The following PHIP variants were observed in gnomAD, a reference collection of about 807,000 sequenced individuals.
PHIP encodes the protein PH-interacting protein.
PHIP carries 54 observed loss-of-function variants against 236.8 expected under a neutral mutation model. The observed-to-expected ratio is 0.23, with a 90% CI of 0.18 to 0.29. The LOEUF is 0.29. Ranked by LOEUF, PHIP falls within the 10% of genes least tolerant of loss-of-function variation. The probability of loss-of-function intolerance (pLI) is 1.00; values close to 1 mark genes in which losing one functional copy is unlikely to be tolerated. For synonymous variants in PHIP, 756 were observed against 718.9 expected (o/e 1.05, Z -0.83); for missense variants, 1,370 against 2,190.8 (o/e 0.63, Z 7.48).
intron 12 of PHIP, among the ~76,000 whole-genome samples, chr6:79,016,914 G>T (rs1411191901): frequency 6.6e-6 from 1 of 151,856 alleles, no homozygotes; most frequent in Non-Finnish European, 1.5e-5. Flanking sequence ...AAAAAACAAT[G>T]ATTTTCTTCT....
At chr6:79,014,515 G>A (rs941772319) in intron 15 of PHIP, among the ~76,000 whole-genome samples, 2 of 151,712 alleles carry the variant, frequency 1.3e-5, no homozygotes, top group Admixed American at 1.3e-4. Context: ...TAGAAACACT[G>A]CTCGGTAAGT....
intron 15 of PHIP, 139 bp from the exon 16 acceptor site, chr6:79,003,997 A>G: frequency 4.0e-6 from 2 of 499,966 alleles, no homozygotes; most frequent in South Asian, 9.7e-5. Context: ...GTACAGTAAT[A>G]AAATTTATGA....
chr6:78,946,297 C>T, intron 37 of PHIP, 37 bp from the exon 38 acceptor site: 1 of 1,565,240 alleles, frequency 6.4e-7, no homozygotes, highest in Non-Finnish European at 8.7e-7. Flanking sequence ...ACTCTTATAG[C>T]TCTATGTGAA....
chr6:79,006,928 A>G (rs887638428), intron 15 of PHIP, among the ~76,000 whole-genome samples: 2 of 152,068 alleles, frequency 1.3e-5, no homozygotes, highest in Admixed American at 6.5e-5. Context: ...TTCAAAAAGA[A>G]TAAGAGGAGT....
At chr6:79,061,363 G>A (rs1773366844) in intron 4 of PHIP, among the ~76,000 whole-genome samples, 1 of 151,968 alleles carries the variant, frequency 6.6e-6, no homozygotes. Context: ...GGGAACCCCT[G>A]GAGGTCCCTC....
chr6:78,945,228 T>C, intron 39 of PHIP, 72 bp downstream of exon 39: 1 of 1,149,130 alleles, frequency 8.7e-7, no homozygotes, highest in Non-Finnish European at 1.3e-6. Flanking sequence ...TGGATATAAA[T>C]GCTGATTCCA....
At chr6:79,028,376 A>G (rs1483896423) in intron 7 of PHIP, among the ~76,000 whole-genome samples, 2 of 152,194 alleles carry the variant, frequency 1.3e-5, no homozygotes, top group African/African-American at 4.8e-5. Context: ...TAGTATGGTC[A>G]GGAGAGAATA....
At chr6:79,016,499 T>G in intron 13 of PHIP, 45 bp downstream of exon 13, 1 of 1,250,192 alleles carries the variant, frequency 8.0e-7, no homozygotes, top group Non-Finnish European at 1.2e-6. Context: ...ATAACATACT[T>G]TAAAAAATCA....
chr6:78,994,352 C>T (rs1173750295), intron 19 of PHIP, among the ~76,000 whole-genome samples: 1 of 152,080 alleles, frequency 6.6e-6, no homozygotes, highest in African/African-American at 2.4e-5. Context: ...CTGAAGTGGG[C>T]AGATCACAAG....
intron 35 of PHIP, among the ~76,000 whole-genome samples, chr6:78,948,287 G>A (rs572294681): frequency 5.3e-5 from 8 of 152,112 alleles, no homozygotes; most frequent in African/African-American, 1.9e-4. Flanking sequence ...CAGTAATAAA[G>A]AATTACGAAT....
intron 24 of PHIP, among the ~76,000 whole-genome samples, chr6:78,977,587 G>GACCTTCAAGC (rs70977756): frequency 0.45 from 68,569 of 151,486 alleles, 16,074 homozygotes; most frequent in East Asian, 0.69. Flanking sequence ...GAATAATGAA[G>GACCTTCAAGC]ACCTTCAAGC....
chr6:78,956,881 C>A lies in PHIP; in HGVS notation c.3783-1199G>T, dbSNP rs1167101918. Reference sequence around the variant, plus strand: ...GTTTTCCTTATATTATACTTTCTTACAGATTTATCTATCCTATGAAACTGT... The same window carrying A: ...GTTTTCCTTATATTATACTTTCTTAAAGATTTATCTATCCTATGAAACTGT... On this transcript the variant is annotated intron_variant, in intron 32 of 39. Coordinates refer to ENST00000275034, the MANE Select transcript of PHIP (RefSeq NM_017934.7). 3.9e-5 allele frequency: 6 copies of A among 152,164 alleles called. No individual in the cohort carries two copies. The East Asian group carries it at 9.6e-4, about 24-fold the overall frequency. The allele number at this position is 152,164 out of a possible 1,614,324, so 9.4% of individuals were successfully genotyped here. A position where few individuals can be genotyped will look rare whatever the true frequency, so the allele number is the denominator to read the frequency against.
At chr6:79,000,277 T>C (rs61610901) in intron 17 of PHIP, among the ~76,000 whole-genome samples, 53 of 152,182 alleles carry the variant, frequency 3.5e-4, no homozygotes, top group African/African-American at 1.3e-3. Flanking sequence ...GCCAGTATTA[T>C]TGCTATGGAT....
intron 28 of PHIP, 82 bp downstream of exon 28, chr6:78,965,863 A>G: frequency 8.4e-7 from 1 of 1,186,992 alleles, no homozygotes; most frequent in South Asian, 1.3e-5. Context: ...TGTTTAAAAG[A>G]AGTCTCTTTA....
At chr6:79,024,431 T>G (rs1169268520) in intron 9 of PHIP, among the ~76,000 whole-genome samples, 1 of 152,094 alleles carries the variant, frequency 6.6e-6, no homozygotes, top group Non-Finnish European at 1.5e-5. Context: ...AATAATCAAT[T>G]GAATACACTA....
intron 4 of PHIP, among the ~76,000 whole-genome samples, chr6:79,064,560 C>A (rs1773532191): frequency 6.6e-6 from 1 of 152,104 alleles, no homozygotes. Context: ...AAATCTATAC[C>A]TTATTTAATG....
At chr6:79,065,638 ACTTTC>A (rs1164171569) in intron 4 of PHIP, among the ~76,000 whole-genome samples, 1 of 152,028 alleles carries the variant, frequency 6.6e-6, no homozygotes, top group African/African-American at 2.4e-5. Context: ...ACTTCCTGTG[ACTTTC>A]CTTTATTAAC....
chr6:78,949,996 C>T (rs138655812), intron 35 of PHIP, among the ~76,000 whole-genome samples: 55 of 152,040 alleles, frequency 3.6e-4, no homozygotes, highest in African/African-American at 9.9e-4. Flanking sequence ...GCCTGGGACT[C>T]GAGTATAATA....
intron 19 of PHIP, among the ~76,000 whole-genome samples, chr6:78,992,508 T>C (rs1769331370): frequency 6.6e-6 from 1 of 152,132 alleles, no homozygotes; most frequent in Admixed American, 6.5e-5. Context: ...AGCTGCAAGT[T>C]TGTGGAACCC....
Sources: gnomAD v4.1 joint callset for allele counts (sites outside exome capture counted in the v4.1 genomes callset) on GRCh38, gnomAD v4.1.1 for gene constraint, MANE v1.5 for transcripts, NCBI Gene and HGNC (gene_info 2026-07-23, HGNC 2026-07-21) for gene names.